The following CSNK1G3 variants were observed in gnomAD, a reference collection of about 807,000 sequenced individuals.
CSNK1G3 encodes casein kinase 1 gamma 3, also known as casein kinase I isoform gamma-3.
In CSNK1G3, 23 loss-of-function variants were observed where a neutral mutation model predicts 64.3. The ratio of observed to expected loss-of-function variants is 0.36; its 90% CI spans 0.26 to 0.51. CSNK1G3 has a LOEUF of 0.51. CSNK1G3 is among the 20% of genes least tolerant of loss of function. CSNK1G3 has a pLI of 0.96. For synonymous variants in CSNK1G3, 158 were observed against 162.2 expected (o/e 0.97, Z 0.20); for missense variants, 357 against 510.5 (o/e 0.70, Z 2.90).
chr5:123,557,291 C>T (rs1470202402), intron 3 of CSNK1G3, among the ~76,000 whole-genome samples: 1 of 152,074 alleles, frequency 6.6e-6, no homozygotes, highest in East Asian at 1.9e-4. Context: ...GATCTAATGG[C>T]TACTTAGTTT....
At chr5:123,610,835 T>C (rs1419501941) in intron 12 of CSNK1G3, among the ~76,000 whole-genome samples, 3 of 152,024 alleles carry the variant, frequency 2.0e-5, no homozygotes, top group Non-Finnish European at 4.4e-5. Context: ...AAAAAAAATT[T>C]ACCAGCTCGG....
chr5:123,549,990 G>A (rs4527597), intron 2 of CSNK1G3, among the ~76,000 whole-genome samples: 91,186 of 151,876 alleles, frequency 0.6, 28,539 homozygotes, highest in African/African-American at 0.78. Flanking sequence ...TATTGTTTAT[G>A]TTTGATAGTT....
At chr5:123,596,181 A>G (rs1459308050) in intron 10 of CSNK1G3, among the ~76,000 whole-genome samples, 1 of 152,084 alleles carries the variant, frequency 6.6e-6, no homozygotes, top group Non-Finnish European at 1.5e-5. Context: ...TTTAAATTAT[A>G]TAATGGAGTA....
In CSNK1G3 at chr5:123,595,168, C is replaced by G. The variant is rs150847759; in HGVS notation, c.1086+3754C>G. On this transcript the variant is annotated intron_variant, in intron 10 of 12. Coordinates refer to ENST00000345990, the Ensembl canonical transcript of CSNK1G3. ...TGATTTTTGCATGAGTGATTATTAC[C>G]CAGATTTATACAACTAACCCTTTTT... 209 of 1,583,354 alleles carry G rather than the reference C, an allele frequency of 1.3e-4. 3 individuals carry two copies. The Admixed American group carries it at 3.3e-3, about 25-fold the overall frequency.
At chr5:123,591,622 CTT>C (rs1218562116) in intron 10 of CSNK1G3, among the ~76,000 whole-genome samples, 4 of 151,862 alleles carry the variant, frequency 2.6e-5, no homozygotes, top group Non-Finnish European at 5.9e-5. Context: ...TTAGTGTAAA[CTT>C]TTAGGAATAT....
chr5:123,588,275 C>T (rs1361192092), intron 7 of CSNK1G3, 122 bp downstream of exon 7: 2 of 1,017,114 alleles, frequency 2.0e-6, no homozygotes, highest in Non-Finnish European at 3.0e-6. Flanking sequence ...TCAGGGCTCC[C>T]TGTGTTGCCC....
At chr5:123,540,828 T>C (rs764365270) in intron 1 of CSNK1G3, among the ~76,000 whole-genome samples, 1 of 152,174 alleles carries the variant, frequency 6.6e-6, no homozygotes. Context: ...TGTTTAACCA[T>C]GTTGGCCAGG....
chr5:123,605,222 A>G (rs1581423646), intron 11 of CSNK1G3, 117 bp from the exon 13 acceptor site: 2 of 865,842 alleles, frequency 2.3e-6, no homozygotes, highest in Non-Finnish European at 3.5e-6. Context: ...AATTATAACA[A>G]CATTGCTTGG....
intron 10 of CSNK1G3, among the ~76,000 whole-genome samples, chr5:123,598,008 C>G (rs1197838129): frequency 2.0e-5 from 3 of 152,038 alleles, no homozygotes; most frequent in Non-Finnish European, 4.4e-5. Context: ...CAAAAGAAAG[C>G]ATTGATGAAT....
intron 4 of CSNK1G3, among the ~76,000 whole-genome samples, chr5:123,567,500 G>A (rs2150575716): frequency 6.6e-6 from 1 of 152,202 alleles, no homozygotes; most frequent in Non-Finnish European, 1.5e-5. Context: ...CAGCTATTTT[G>A]GGAGCCTGAG....
chr5:123,529,067 G>A (rs1779512245), intron 1 of CSNK1G3, among the ~76,000 whole-genome samples: 2 of 152,166 alleles, frequency 1.3e-5, no homozygotes, highest in Admixed American at 1.3e-4. Context: ...CTGATGTGCT[G>A]CTGCCTAGTG....
chr5:123,583,520 C>A (rs1195724939), intron 6 of CSNK1G3, among the ~76,000 whole-genome samples: 4 of 152,154 alleles, frequency 2.6e-5, no homozygotes, highest in African/African-American at 9.7e-5. Context: ...GCCACCATGC[C>A]CAGCTAATTT....
rs141460463 is a variant in CSNK1G3, at chr5:123,548,924, C to T, written c.178+3083C>T. ...CAGAAAATGCTGGCAACACAGTACG[C>T]TGTACAATATTGGTTGTTTACTCTC... On this transcript the variant is annotated intron_variant, in intron 2 of 12. Transcript: ENST00000345990. Among the ~76,000 whole-genome samples, 724 of 152,314 alleles carry T rather than the reference C, an allele frequency of 4.8e-3. 10 individuals are homozygous for T. Among genetic ancestry groups the T allele is most frequent in the African/African-American group, 0.016 (681 of 41,560 alleles).
At chr5:123,539,417 G>A (rs1467179951) in intron 1 of CSNK1G3, among the ~76,000 whole-genome samples, 2 of 146,930 alleles carry the variant, frequency 1.4e-5, no homozygotes, top group East Asian at 3.9e-4. Context: ...ATGCACTCCA[G>A]CCTGGGTGAA....
intron 1 of CSNK1G3, among the ~76,000 whole-genome samples, chr5:123,537,863 C>T (rs2150167855): frequency 6.6e-6 from 1 of 152,230 alleles, no homozygotes; most frequent in South Asian, 2.1e-4. Flanking sequence ...TACTTAACCG[C>T]TGATAGGATT....
chr5:123,515,175 G>A (rs1051766751), intron 1 of CSNK1G3, among the ~76,000 whole-genome samples: 1 of 152,100 alleles, frequency 6.6e-6, no homozygotes, highest in South Asian at 2.1e-4. Flanking sequence ...GAAATGAGAA[G>A]CTCTCCAGTT....
chr5:123,541,088 G>A (rs1328260174), intron 1 of CSNK1G3, among the ~76,000 whole-genome samples: 1 of 151,978 alleles, frequency 6.6e-6, no homozygotes, highest in Admixed American at 6.6e-5. Flanking sequence ...GGTAGTTGAT[G>A]GTATTATCTA....
At chr5:123,575,585 C>G in intron 5 of CSNK1G3, 144 bp from the exon 6 acceptor site, 1 of 603,452 alleles carries the variant, frequency 1.7e-6, no homozygotes. Flanking sequence ...GAATGATAGG[C>G]TGACATCATT....
intron 4 of CSNK1G3, among the ~76,000 whole-genome samples, chr5:123,567,652 T>G (rs1255964015): frequency 6.6e-6 from 1 of 152,152 alleles, no homozygotes; most frequent in Non-Finnish European, 1.5e-5. Context: ...ACAACAAAAA[T>G]TTTAATCAGC....
Sources: gnomAD v4.1 joint callset for allele counts (sites outside exome capture counted in the v4.1 genomes callset) on GRCh38, gnomAD v4.1.1 for gene constraint, MANE v1.5 for transcripts, NCBI Gene and HGNC (gene_info 2026-07-23, HGNC 2026-07-21) for gene names.